Variants in CPNE8 observed in about 807,000 individuals in gnomAD.
CPNE8 encodes copine-8.
Under a neutral mutation model 81.5 loss-of-function variants are expected in CPNE8, and 45 were observed. That is an observed-to-expected ratio of 0.55 (90% CI 0.44 to 0.71). The LOEUF is 0.71. CPNE8 is among the 30% of genes least tolerant of loss of function. The probability of loss-of-function intolerance (pLI) is 0.00; values close to 1 mark genes in which losing one functional copy is unlikely to be tolerated. For synonymous variants in CPNE8, 252 were observed against 226.3 expected (o/e 1.11, Z -1.02); for missense variants, 594 against 672.1 (o/e 0.88, Z 1.28).
chr12:38,732,599 G>C (rs954794058), intron 10 of CPNE8, among the ~76,000 whole-genome samples: 2 of 151,958 alleles, frequency 1.3e-5, no homozygotes, highest in Middle Eastern at 3.4e-3. Context: ...TCATGAAAGG[G>C]AGAAAGCTTT....
At chr12:38,725,001 T>A in intron 11 of CPNE8, 102 bp from the exon 12 acceptor site, 5 of 998,922 alleles carry the variant, frequency 5.0e-6, no homozygotes, top group Non-Finnish European at 6.1e-6. Flanking sequence ...CTTCCCTTCT[T>A]ATGCATGTAT....
intron 11 of CPNE8, 73 bp from the exon 12 acceptor site, chr12:38,724,972 G>A: frequency 7.6e-7 from 1 of 1,311,884 alleles, no homozygotes; most frequent in Non-Finnish European, 1.1e-6. Flanking sequence ...TTTTAAAAAT[G>A]TGAAGTTTAA....
intron 6 of CPNE8, among the ~76,000 whole-genome samples, chr12:38,817,226 G>A (rs1432895144): frequency 6.6e-6 from 1 of 152,176 alleles, no homozygotes; most frequent in Non-Finnish European, 1.5e-5. Flanking sequence ...AAGTTTTCTT[G>A]TTACCACATT....
intron 19 of CPNE8, 79 bp from the exon 20 acceptor site, chr12:38,654,149 A>G (rs1938766759): frequency 6.9e-7 from 1 of 1,442,920 alleles, no homozygotes; most frequent in African/African-American, 1.5e-5. Context: ...ACACATGTAC[A>G]CATTTGGTCA....
chr12:38,825,036 C>G (rs967670767), intron 6 of CPNE8, among the ~76,000 whole-genome samples: 1 of 152,166 alleles, frequency 6.6e-6, no homozygotes. Context: ...AGCAAGGCAG[C>G]AGGAGGCAGT....
intron 6 of CPNE8, among the ~76,000 whole-genome samples, chr12:38,781,598 T>A (rs917141316): frequency 5.3e-5 from 8 of 152,102 alleles, no homozygotes; most frequent in African/African-American, 1.9e-4. Context: ...GTAACCTCAA[T>A]ACTGCATGCA....
intron 6 of CPNE8, among the ~76,000 whole-genome samples, chr12:38,799,189 C>T (rs1040675435): frequency 6.6e-6 from 1 of 152,070 alleles, no homozygotes; most frequent in African/African-American, 2.4e-5. Flanking sequence ...CATCTCTGCA[C>T]CAAGGGGACC....
chr12:38,676,087 G>C (rs1939282162), intron 17 of CPNE8: 1 of 241,084 alleles, frequency 4.1e-6, no homozygotes, highest in South Asian at 1.5e-4. Flanking sequence ...CTGCACTCCA[G>C]CCTGGGCAAC....
At chr12:38,894,786 A>G (rs1049347354) in intron 1 of CPNE8, among the ~76,000 whole-genome samples, 3 of 151,868 alleles carry the variant, frequency 2.0e-5, no homozygotes, top group African/African-American at 7.3e-5. Context: ...GTTACTTTCA[A>G]TTACCAAAAA....
At chr12:38,728,737 C>T in intron 11 of CPNE8, among the ~76,000 whole-genome samples, 1 of 151,928 alleles carries the variant, frequency 6.6e-6, no homozygotes. Context: ...TTTTTGGTTG[C>T]TTGATAAACC....
intron 6 of CPNE8, among the ~76,000 whole-genome samples, chr12:38,815,261 T>G (rs919461067): frequency 6.6e-6 from 1 of 152,174 alleles, no homozygotes; most frequent in Non-Finnish European, 1.5e-5. Flanking sequence ...TCTCCAAATA[T>G]TATGAATAAC....
At chr12:38,871,710 G>A (rs370440743) in intron 3 of CPNE8, among the ~76,000 whole-genome samples, 13 of 152,174 alleles carry the variant, frequency 8.5e-5, no homozygotes, top group African/African-American at 2.9e-4. Context: ...AGAAACTCAG[G>A]ATGACTACAA....
chr12:38,840,308 T>G (rs994219803), intron 4 of CPNE8, among the ~76,000 whole-genome samples: 4 of 152,162 alleles, frequency 2.6e-5, no homozygotes, highest in Non-Finnish European at 5.9e-5. Flanking sequence ...ACTTCAAAAT[T>G]CCTTAAAAAC....
chr12:38,813,172 G>A (rs978803053), intron 6 of CPNE8, among the ~76,000 whole-genome samples: 3 of 152,178 alleles, frequency 2.0e-5, no homozygotes, highest in Admixed American at 2.0e-4. Context: ...AGGAAAGGGG[G>A]CTGAATTTTA....
At chr12:38,723,958 T>C in intron 12 of CPNE8, 125 bp from the exon 13 acceptor site, 1 of 630,210 alleles carries the variant, frequency 1.6e-6, no homozygotes, top group Non-Finnish European at 2.8e-6. Flanking sequence ...TATTTTTTAT[T>C]AACATCTGCT....
chr12:38,771,297 TCAA>T (rs1167711402), intron 7 of CPNE8, among the ~76,000 whole-genome samples: 1 of 131,772 alleles, frequency 7.6e-6, no homozygotes, highest in African/African-American at 3.0e-5. Context: ...CACATCTCTA[TCAA>T]AAAAAAAAAA....
chr12:38,893,924 GTTTGT>G (rs1944349346), intron 1 of CPNE8, among the ~76,000 whole-genome samples: 1 of 151,878 alleles, frequency 6.6e-6, no homozygotes, highest in Non-Finnish European at 1.5e-5. Flanking sequence ...AGCCTTTTTT[GTTTGT>G]TTTATTAAAG....
At chr12:38,885,460 G>A (rs371999974) in intron 1 of CPNE8, among the ~76,000 whole-genome samples, 1 of 152,140 alleles carries the variant, frequency 6.6e-6, no homozygotes, top group Non-Finnish European at 1.5e-5. Flanking sequence ...AATATTAGCT[G>A]CATGAATAGA....
Position 38,761,132 on chromosome 12 carries a change from G to A in CPNE8, c.681-244C>T, listed in dbSNP as rs144670588. Among the ~76,000 whole-genome samples, 521 of 152,268 alleles carry A rather than the reference G, an allele frequency of 3.4e-3. 4 individuals carry two copies. Among genetic ancestry groups the A allele is most frequent in the African/African-American group, 0.012 (495 of 41,564 alleles). On this transcript the variant is annotated intron_variant, in intron 9 of 19. Transcript: ENST00000331366. ...AGGAGAGTCTACAGGGGAAGCATGT[G>A]CAGTTTGACAGAGCTCCTCAAAGGG...
Sources: allele counts gnomAD v4.1 joint callset (sites outside exome capture counted in the v4.1 genomes callset), GRCh38; gene constraint gnomAD v4.1.1; transcripts MANE v1.5; gene names NCBI Gene and HGNC (gene_info 2026-07-23, HGNC 2026-07-21).